Variants in BRSK2 observed in about 807,000 individuals in gnomAD.
BRSK2 encodes BR serine/threonine kinase 2, also known as serine/threonine-protein kinase BRSK2.
BRSK2 carries 19 observed loss-of-function variants against 83.3 expected under a neutral mutation model. The observed-to-expected ratio is 0.23, with a 90% CI of 0.16 to 0.33. The LOEUF is 0.33. Among genes scored for constraint, BRSK2 ranks in the 10% least tolerant of loss-of-function variants. The pLI is 1.00. For synonymous variants in BRSK2, 519 were observed against 435.4 expected (o/e 1.19, Z -2.39); for missense variants, 798 against 1,042.3 (o/e 0.77, Z 3.23).
intron 1 of BRSK2, among the ~76,000 whole-genome samples, chr11:1,414,824 G>A (rs9971384): frequency 9.2e-5 from 14 of 151,990 alleles, no homozygotes; most frequent in Non-Finnish European, 2.1e-4. Context: ...CTGTGCGTCC[G>A]TCTGCGTCTG....
rs112107081 is a variant in BRSK2, at chr11:1,453,358, C to T, written c.1545-1127C>T. Among the ~76,000 whole-genome samples, 1,210 of 152,328 alleles carry T rather than the reference C, an allele frequency of 7.9e-3. 15 individuals carry two copies. The highest frequency in any genetic ancestry group is 0.068 in the Middle Eastern group (20 of 294). On this transcript the variant is annotated intron_variant, in intron 15 of 19. Transcript: ENST00000528841. ...CCCTGGGCCGCAAAGCAGAGAGTCA[C>T]GTTTGTACCATCTGTCCTGTCTCTT... is the stretch of plus-strand genomic sequence containing the variant.
At chr11:1,395,433 C>T (rs1846008546) in intron 1 of BRSK2, among the ~76,000 whole-genome samples, 1 of 152,216 alleles carries the variant, frequency 6.6e-6, no homozygotes, top group Non-Finnish European at 1.5e-5. Context: ...TGGCGTCTTC[C>T]TGCCCTGCAT....
In BRSK2 at chr11:1,454,563, A is replaced by G. The variant is rs781507349; in HGVS notation, c.1623A>G (p.Lys541=). Residue 541 remains lysine, a synonymous_variant, in exon 16 of 20, where the codon AAA becomes AAG. Transcript: ENST00000528841. This position sits in a 1 kb window ranked among gnomAD's most constrained non-coding sequence, Gnocchi z 5.2. ...EEQIFVVIKD[K]PLSSIKADIV... ...AGATCTTCGTGGTCATCAAAGACAA[A>G]CCTCTGAGCTCCATCAAGGCTGACA... is the stretch of plus-strand genomic sequence containing the variant. 3.1e-6 allele frequency: 5 copies of G among 1,612,954 alleles called. No homozygotes were observed. In the Admixed American group the frequency reaches 8.3e-5, roughly 27 times the overall value.
In BRSK2 at chr11:1,460,634, G is replaced by C. The variant is rs775490209; in HGVS notation, c.2122G>C (p.Gly708Arg). 11 of 1,529,670 alleles carry C rather than the reference G, an allele frequency of 7.2e-6. No individual in the cohort carries two copies. The East Asian group carries it at 2.7e-4, about 38-fold the overall frequency. 94.8% of individuals were successfully genotyped at this position (1,529,670 alleles called of 1,614,324 possible). Reference protein sequence around the residue: ...HGPLGDSAAAGPGPGGDAEYP... With the variant: ...HGPLGDSAAARPGPGGDAEYP... ...CCCACTCGGTGACTCCGCGGCCGCT[G>C]GCCCTGGCCCCGGAGGGGACGCCGA... Residue 708 changes from glycine (G) to arginine (R), a missense_variant, in exon 20 of 20, where the codon GGC (glycine) becomes CGC (arginine). Transcript: ENST00000528841.
chr11:1,418,254 C>T (rs563694850), intron 1 of BRSK2, among the ~76,000 whole-genome samples: 2 of 142,622 alleles, frequency 1.4e-5, no homozygotes, highest in African/African-American at 2.7e-5. Flanking sequence ...TGTCCTGCTT[C>T]TGTGGGCTGT....
chr11:1,460,371 G>C, intron 19 of BRSK2, 129 bp from the exon 20 acceptor site: 1 of 1,078,818 alleles, frequency 9.3e-7, no homozygotes, highest in Non-Finnish European at 1.3e-6. Context: ...TCTTTCCCTC[G>C]TCGAGGCCTC....
chr11:1,454,173 T>TGGGGGGCTCACCTGTG lies in BRSK2; in HGVS notation c.1545-310_1545-295dup, dbSNP rs1554914688. The TGGGGGGCTCACCTGTG allele has an allele frequency of 9.7e-3, 2,398 of 248,204 alleles. 22 individuals carry two copies. Among genetic ancestry groups the TGGGGGGCTCACCTGTG allele is most frequent in the South Asian group, 0.014 (249 of 18,092 alleles). The allele number at this position is 248,204 out of a possible 1,614,324, so 15.4% of individuals were successfully genotyped here. On this transcript the variant is annotated intron_variant, in intron 15 of 19. Transcript: ENST00000528841. The surrounding 1 kb of genome is among the most constrained non-coding windows in gnomAD (Gnocchi z 5.2). ...GCCTTGGTGAGGGGGGGCTCACCTGTGGGGGGCTCACCTGTGGAGGGGCAT... is the reference window on the plus strand; with the variant it reads ...GCCTTGGTGAGGGGGGGCTCACCTGTGGGGGGCTCACCTGTGGGGGGGCTCACCTGTGGAGGGGCAT...
chr11:1,448,242 C>T (rs1262994733), intron 12 of BRSK2, among the ~76,000 whole-genome samples: 1 of 152,200 alleles, frequency 6.6e-6, no homozygotes, highest in Non-Finnish European at 1.5e-5. Context: ...CTGTGCCCAC[C>T]TGCAGGAGCT....
chr11:1,438,402 C>T lies in BRSK2; in HGVS notation c.272+11C>T, dbSNP rs747090233. ...AAACAAAAAATATTTGTAGGTATTGCTGGGTCTGAAGAGCTGGGGTGGCGG... is the reference window on the plus strand; with the variant it reads ...AAACAAAAAATATTTGTAGGTATTGTTGGGTCTGAAGAGCTGGGGTGGCGG... On this transcript the variant is annotated intron_variant, in intron 3 of 19. Coordinates refer to ENST00000528841, the MANE Select transcript of BRSK2 (RefSeq NM_001256627.2). This position sits in a 1 kb window ranked among gnomAD's most constrained non-coding sequence, Gnocchi z 6.4. 4 of 1,612,974 alleles carry T rather than the reference C, an allele frequency of 2.5e-6. No individual in the cohort carries two copies. The highest frequency in any genetic ancestry group is 1.1e-5 in the South Asian group (1 of 91,062).
At chr11:1,449,137 G>A (rs1564866119) in intron 12 of BRSK2, among the ~76,000 whole-genome samples, 1 of 152,214 alleles carries the variant, frequency 6.6e-6, no homozygotes, top group South Asian at 2.1e-4. Context: ...GCCACACACC[G>A]GAGTCTCAGC....
chr11:1,404,706 G>A (rs1846713554), intron 1 of BRSK2, among the ~76,000 whole-genome samples: 2 of 152,190 alleles, frequency 1.3e-5, no homozygotes, highest in Admixed American at 6.5e-5. Context: ...AGCAACGGGC[G>A]TGGGCTTGCA....
chr11:1,397,995 T>C (rs888675894), intron 1 of BRSK2, among the ~76,000 whole-genome samples: 1 of 151,856 alleles, frequency 6.6e-6, no homozygotes, highest in Non-Finnish European at 1.5e-5. Flanking sequence ...CGGGCAGAGG[T>C]GGGAGGGCGC....
At chr11:1,433,350 G>T (rs1849844516) in intron 1 of BRSK2, among the ~76,000 whole-genome samples, 1 of 152,248 alleles carries the variant, frequency 6.6e-6, no homozygotes, top group South Asian at 2.1e-4. Context: ...ATGCCCTGGG[G>T]CAGGGTGTGG....
chr11:1,462,020 G>A lies in BRSK2; in HGVS notation c.*1297G>A, dbSNP rs2133336245. 2 of 152,300 alleles carry A rather than the reference G, an allele frequency of 1.3e-5. No homozygotes were observed. The highest frequency in any genetic ancestry group is 3.9e-4 in the East Asian group (2 of 5,182). The allele number at this position is 152,300 out of a possible 1,614,324, so 9.4% of individuals were successfully genotyped here. ...TGGTTTTGTGTCCAAAGGTGAAGGG[G>A]TAGGAGGAGGGCCCTCAGCTGGCCC... is the stretch of plus-strand genomic sequence containing the variant. On this transcript the variant is annotated 3_prime_UTR_variant, in exon 20 of 20. Coordinates refer to ENST00000528841, the MANE Select transcript of BRSK2 (RefSeq NM_001256627.2).
chr11:1,451,296 G>A (rs559392580), intron 14 of BRSK2, 75 bp from the exon 15 acceptor site: 94 of 1,564,818 alleles, frequency 6.0e-5, no homozygotes, highest in Middle Eastern at 3.3e-4. Flanking sequence ...CCCTGACCTC[G>A]GCGCAAGGTG....
chr11:1,399,556 C>A (rs1314020920), intron 1 of BRSK2, among the ~76,000 whole-genome samples: 1 of 152,096 alleles, frequency 6.6e-6, no homozygotes, highest in Non-Finnish European at 1.5e-5. Context: ...CAAGGCCGGG[C>A]TGGTCAGCTG....
chr11:1,460,020 G>A (rs1366531642), intron 19 of BRSK2, among the ~76,000 whole-genome samples: 3 of 151,266 alleles, frequency 2.0e-5, no homozygotes, highest in Admixed American at 6.6e-5. Context: ...AGAGCTCCCA[G>A]CAGGCCCTTG....
In BRSK2 at chr11:1,438,726, G is replaced by A. The variant is rs551814081; in HGVS notation, c.272+335G>A. On this transcript the variant is annotated intron_variant, in intron 3 of 19. Transcript: ENST00000528841. This position sits in a 1 kb window ranked among gnomAD's most constrained non-coding sequence, Gnocchi z 6.4. ...CACCTGGCCCTCCCCACATGGCCAC[G>A]CTGAGCCTCCTGGCCTCTGCCCAGG... Among the ~76,000 whole-genome samples, 2 of 152,214 alleles carry A rather than the reference G, an allele frequency of 1.3e-5. No individual in the cohort carries two copies. The highest frequency in any genetic ancestry group is 2.1e-4 in the South Asian group (1 of 4,822).
intron 18 of BRSK2, 129 bp downstream of exon 18, chr11:1,456,816 C>T (rs1025817364): frequency 1.5e-6 from 2 of 1,318,002 alleles, no homozygotes; most frequent in Non-Finnish European, 1.0e-6. Flanking sequence ...GCCCCCACCT[C>T]CCTGCCCCGA....
Sources: gnomAD v4.1 joint callset for allele counts (sites outside exome capture counted in the v4.1 genomes callset) on GRCh38, gnomAD v4.1.1 for gene constraint, Gnocchi (gnomAD v3.1) non-coding constraint, MANE v1.5 for transcripts, NCBI Gene and HGNC (gene_info 2026-07-23, HGNC 2026-07-21) for gene names.